The following LAMA1 variants were observed in gnomAD, a reference collection of about 807,000 sequenced individuals.
The protein encoded by LAMA1 is laminin subunit alpha-1.
A neutral mutation model predicts 348.7 loss-of-function variants in LAMA1; 219 were observed. That is an observed-to-expected ratio of 0.63 (90% CI 0.56 to 0.70). The LOEUF (loss-of-function observed/expected upper bound fraction) is 0.70. Among genes scored for constraint, LAMA1 ranks in the 30% least tolerant of loss-of-function variants. LAMA1 has a pLI of 0.00. For synonymous variants in LAMA1, 1,487 were observed against 1,491.0 expected (o/e 1.00, Z 0.06); for missense variants, 3,744 against 3,888.0 (o/e 0.96, Z 0.99).
At chr18:6,996,478 A>G (rs1479859602) in intron 33 of LAMA1, among the ~76,000 whole-genome samples, 2 of 152,252 alleles carry the variant, frequency 1.3e-5, no homozygotes, top group Non-Finnish European at 2.9e-5. Flanking sequence ...TTTTCCAATT[A>G]GAATTAAAAG....
At chr18:7,092,626 GAAAAAAAAAA>G (rs35680760) in intron 1 of LAMA1, among the ~76,000 whole-genome samples, 6 of 115,778 alleles carry the variant, frequency 5.2e-5, no homozygotes, top group African/African-American at 2.0e-4. Context: ...TCTGTCTCGG[GAAAAAAAAAA>G]AAAAAAAAAG....
intron 3 of LAMA1, among the ~76,000 whole-genome samples, chr18:7,057,477 T>C (rs369788087): frequency 0.015 from 1,725 of 118,770 alleles, 13 homozygotes; most frequent in Non-Finnish European, 0.016. Context: ...TTTTCTTTTT[T>C]TTTTTTTTTT....
At chr18:7,062,596 A>T (rs571361923) in intron 3 of LAMA1, among the ~76,000 whole-genome samples, 1 of 152,262 alleles carries the variant, frequency 6.6e-6, no homozygotes, top group South Asian at 2.1e-4. Context: ...GACTTTGTAA[A>T]CACCAAGAGA....
chr18:6,963,258 G>C (rs2057616831), intron 51 of LAMA1, among the ~76,000 whole-genome samples: 2 of 152,102 alleles, frequency 1.3e-5, no homozygotes, highest in South Asian at 4.2e-4. Context: ...GTCTACACTG[G>C]GCCGTCTGGG....
intron 1 of LAMA1, among the ~76,000 whole-genome samples, chr18:7,098,784 A>G (rs8090891): frequency 0.85 from 89,420 of 105,164 alleles, 39,054 homozygotes; most frequent in African/African-American, 0.92. Context: ...CTGCCCGGCC[A>G]CCCCTACTGG....
intron 1 of LAMA1, among the ~76,000 whole-genome samples, chr18:7,090,584 T>C (rs1407677533): frequency 6.6e-6 from 1 of 152,018 alleles, no homozygotes; most frequent in Non-Finnish European, 1.5e-5. Context: ...TTCTAGCGAT[T>C]CCACCAGGCA....
chr18:6,992,399 C>A (rs2048192598), intron 36 of LAMA1, among the ~76,000 whole-genome samples, 162 bp downstream of exon 36: 1 of 152,206 alleles, frequency 6.6e-6, no homozygotes, highest in Admixed American at 6.5e-5. Flanking sequence ...GGGGTCAGTA[C>A]CCATCTCTTC....
chr18:6,949,835 G>A (rs1169214271), intron 58 of LAMA1, among the ~76,000 whole-genome samples: 1 of 152,230 alleles, frequency 6.6e-6, no homozygotes, highest in Admixed American at 6.5e-5. Context: ...TTGGAATTGT[G>A]ATAGGGGCCT....
At chr18:6,961,314 T>C (rs2057606015) in intron 53 of LAMA1, among the ~76,000 whole-genome samples, 1 of 152,228 alleles carries the variant, frequency 6.6e-6, no homozygotes, top group Non-Finnish European at 1.5e-5. Context: ...CCGTATATGC[T>C]ATCTGAATGA....
intron 18 of LAMA1, among the ~76,000 whole-genome samples, chr18:7,023,956 A>G (rs909601517): frequency 2.0e-5 from 3 of 152,090 alleles, no homozygotes; most frequent in Non-Finnish European, 4.4e-5. Context: ...CTCCTGCCTC[A>G]GCCTCCCAAG....
At chr18:6,971,727 G>T in intron 48 of LAMA1, 130 bp downstream of exon 48, 3 of 1,245,858 alleles carry the variant, frequency 2.4e-6, no homozygotes, top group South Asian at 1.2e-5. Context: ...CTTTGTAATT[G>T]GCAGCTAAAC....
chr18:6,991,352 A>G (rs1373337044), intron 36 of LAMA1, among the ~76,000 whole-genome samples: 1 of 151,834 alleles, frequency 6.6e-6, no homozygotes. Context: ...AATCCTCAAA[A>G]CACAAATTCT....
intron 1 of LAMA1, among the ~76,000 whole-genome samples, chr18:7,091,663 G>C (rs541035708): frequency 8.1e-4 from 123 of 152,322 alleles, no homozygotes; most frequent in African/African-American, 2.8e-3. Flanking sequence ...CATTTCATGA[G>C]TATGTGACCT....
intron 41 of LAMA1, among the ~76,000 whole-genome samples, chr18:6,980,879 G>A (rs923405002): frequency 2.6e-5 from 4 of 152,116 alleles, no homozygotes; most frequent in African/African-American, 9.7e-5. Flanking sequence ...CAGATCACAA[G>A]GTCAGGAGAT....
At chr18:7,043,466 T>TCC in intron 7 of LAMA1, 61 bp from the exon 8 acceptor site, 1 of 1,351,966 alleles carries the variant, frequency 7.4e-7, no homozygotes, top group Non-Finnish European at 1.1e-6. Flanking sequence ...CAAAGAAAAC[T>TCC]CTTAACCTCC....
intron 32 of LAMA1, among the ~76,000 whole-genome samples, chr18:6,998,770 T>C (rs370859283): frequency 1.3e-5 from 2 of 152,144 alleles, no homozygotes; most frequent in Non-Finnish European, 2.9e-5. Flanking sequence ...TGGTGGTTCA[T>C]GCCTGTAATC....
At position 7,019,742 on chromosome 18, in the gene LAMA1, C is replaced by T. The variant is rs868724083; in HGVS notation, c.2702-2358G>A. Among the ~76,000 whole-genome samples, 32 of 139,094 alleles carry T rather than the reference C, an allele frequency of 2.3e-4. No individual in the cohort carries two copies. In the Middle Eastern group the frequency reaches 0.017, roughly 75 times the overall value. The allele number at this position is 139,094 out of a possible 152,430, so 91.3% of individuals were successfully genotyped here. ...CGTCACCCAGGCTGGAGTGCCGTGG[C>T]GCAATCTCAGTTCACTGCCACCTCC... On this transcript the variant is annotated intron_variant, in intron 19 of 62. Transcript: ENST00000389658.
intron 22 of LAMA1, among the ~76,000 whole-genome samples, chr18:7,014,664 T>G (rs2057878038): frequency 6.6e-6 from 1 of 151,648 alleles, no homozygotes; most frequent in Non-Finnish European, 1.5e-5. Flanking sequence ...AAAAAGTAAT[T>G]TCCTCTTGTT....
chr18:7,016,453 A>G (rs2057888087), intron 21 of LAMA1, 38 bp downstream of exon 21: 2 of 1,613,108 alleles, frequency 1.2e-6, no homozygotes, highest in African/African-American at 2.7e-5. Context: ...AGCTCTGGGA[A>G]TGACTACAAA....
Sources: allele counts gnomAD v4.1 joint callset (sites outside exome capture counted in the v4.1 genomes callset), GRCh38; gene constraint gnomAD v4.1.1; transcripts MANE v1.5; gene names NCBI Gene and HGNC (gene_info 2026-07-23, HGNC 2026-07-21).